The following RCOR1 variants were observed in gnomAD, a reference collection of about 807,000 sequenced individuals.
RCOR1 encodes the protein REST corepressor.
RCOR1 carries 12 observed loss-of-function variants against 64.0 expected under a neutral mutation model. That is an observed-to-expected ratio of 0.19 (90% CI 0.12 to 0.30). RCOR1 has a LOEUF of 0.30. RCOR1 is among the 10% of genes least tolerant of loss of function. The pLI is 1.00. For synonymous variants in RCOR1, 279 were observed against 227.2 expected (o/e 1.23, Z -2.05); for missense variants, 502 against 621.2 (o/e 0.81, Z 2.04).
intron 2 of RCOR1, among the ~76,000 whole-genome samples, chr14:102,627,960 G>GAT (rs1894016119): frequency 6.7e-6 from 1 of 148,972 alleles, no homozygotes; most frequent in Non-Finnish European, 1.5e-5. Context: ...ATTTAAAAGG[G>GAT]GTGTGTGTGT....
chr14:102,695,229 C>T (rs778434862), intron 3 of RCOR1, among the ~76,000 whole-genome samples: 1 of 152,188 alleles, frequency 6.6e-6, no homozygotes, highest in South Asian at 2.1e-4. Flanking sequence ...CTGTTTCTTA[C>T]CCCTGCTTTC....
chr14:102,681,827 T>G (rs1230106266), intron 2 of RCOR1, 68 bp from the exon 3 acceptor site: 2 of 1,107,666 alleles, frequency 1.8e-6, no homozygotes, highest in Non-Finnish European at 2.7e-6. Context: ...CATTAAAAGG[T>G]ATTGTTACTT....
chr14:102,683,660 C>T (rs778672833), intron 3 of RCOR1, among the ~76,000 whole-genome samples: 16 of 152,226 alleles, frequency 1.1e-4, no homozygotes, highest in Admixed American at 2.0e-4. Context: ...TCTGGGGGCG[C>T]GCTGATGTTC....
intron 2 of RCOR1, among the ~76,000 whole-genome samples, chr14:102,627,635 C>T (rs180953717): frequency 0.01 from 1,519 of 150,508 alleles, 16 homozygotes; most frequent in Admixed American, 0.015. Flanking sequence ...CCAGCCTGGG[C>T]GACAGAGTGA....
intron 2 of RCOR1, among the ~76,000 whole-genome samples, chr14:102,626,819 C>T (rs1286512364): frequency 1.3e-5 from 2 of 152,184 alleles, no homozygotes; most frequent in Non-Finnish European, 2.9e-5. Context: ...GGAAGTAGAA[C>T]AGCAGGCAGG....
Position 102,689,933 on chromosome 14 carries a change from C to T in RCOR1, c.445+7955C>T, listed in dbSNP as rs564798954. Among the ~76,000 whole-genome samples, 11 of 152,146 alleles carry T rather than the reference C, an allele frequency of 7.2e-5. No individual in the cohort carries two copies. The South Asian group carries it at 8.3e-4, about 11-fold the overall frequency. ...TAATTTTTTGTATTTTTAGTAGACACGGGGTTTCACCATGTTGGCCAGGCT... is the reference window on the plus strand; with the variant it reads ...TAATTTTTTGTATTTTTAGTAGACATGGGGTTTCACCATGTTGGCCAGGCT... On this transcript the variant is annotated intron_variant, in intron 3 of 11. Transcript: ENST00000262241.
At chr14:102,651,381 C>G (rs148108069) in intron 2 of RCOR1, among the ~76,000 whole-genome samples, 1 of 151,906 alleles carries the variant, frequency 6.6e-6, no homozygotes, top group African/African-American at 2.4e-5. Context: ...AGTGAAACCC[C>G]GTCTCTACTA....
intron 2 of RCOR1, among the ~76,000 whole-genome samples, chr14:102,597,817 A>ATT (rs563390894): frequency 4.6e-4 from 62 of 135,354 alleles, no homozygotes; most frequent in African/African-American, 1.1e-3. Context: ...TATTTTTGCA[A>ATT]TTTTTTTTTT....
intron 11 of RCOR1, among the ~76,000 whole-genome samples, chr14:102,724,848 T>C (rs1896230828): frequency 6.6e-6 from 1 of 152,182 alleles, no homozygotes; most frequent in Non-Finnish European, 1.5e-5. Context: ...ATTTCACCTT[T>C]TTATTTGTCC....
Position 102,620,558 on chromosome 14 carries a change from G to A in RCOR1, c.361+27233G>A, listed in dbSNP as rs139326019. Among the ~76,000 whole-genome samples the A allele has an allele frequency of 5.3e-5, 8 of 152,098 alleles. No individual in the cohort carries two copies. In the East Asian group the frequency reaches 5.8e-4, roughly 11 times the overall value. ...CTTCAGCATCAACAAGAGCGAAACC[G>A]TCTCACAAAAAAAATTAGTCGGGCA... On this transcript the variant is annotated intron_variant, in intron 2 of 11. Coordinates refer to ENST00000262241, the MANE Select transcript of RCOR1 (RefSeq NM_015156.4).
At chr14:102,679,509 C>T (rs574623615) in intron 2 of RCOR1, among the ~76,000 whole-genome samples, 123 of 149,732 alleles carry the variant, frequency 8.2e-4, no homozygotes, top group Non-Finnish European at 1.4e-3. Flanking sequence ...GACAGAATCT[C>T]GCTCTGTCAC....
rs768704751 is a variant in RCOR1, at chr14:102,593,053, C to G, written c.167C>G (p.Ala56Gly). Reference protein sequence around the residue: ...ASGAAASSASAAAASAAAAPN... With the variant: ...ASGAAASSASGAAASAAAAPN... ...GGCGCCGCCGCCTCCTCAGCCTCGG[C>G]CGCCGCCGCCTCAGCCGCCGCCGCC... Residue 56 changes from alanine to glycine, a missense_variant, in exon 1 of 12, where the codon GCC becomes GGC. Around this residue, in one of 2 missense-constraint regions of RCOR1, gnomAD observed 242 missense variants for 204.9 expected, o/e 1.18. Coordinates refer to ENST00000262241, the MANE Select transcript of RCOR1 (RefSeq NM_015156.4). The G allele has an allele frequency of 1.4e-6, 2 of 1,384,738 alleles. No homozygotes were observed. Among genetic ancestry groups the G allele is most frequent in the Non-Finnish European group, 1.9e-6 (2 of 1,060,174 alleles). The allele number at this position is 1,384,738 out of a possible 1,614,324, so 85.8% of individuals were successfully genotyped here.
intron 3 of RCOR1, among the ~76,000 whole-genome samples, chr14:102,693,092 GTTC>G (rs1895570989): frequency 6.6e-6 from 1 of 152,100 alleles, no homozygotes; most frequent in Admixed American, 6.6e-5. Context: ...ACATTTAGAT[GTTC>G]TTCTTTTTTC....
intron 11 of RCOR1, among the ~76,000 whole-genome samples, chr14:102,724,921 G>GT (rs1896232153): frequency 6.6e-6 from 1 of 152,108 alleles, no homozygotes; most frequent in South Asian, 2.1e-4. Flanking sequence ...CTGCCCTCAG[G>GT]TTTTATGTAT....
intron 2 of RCOR1, among the ~76,000 whole-genome samples, chr14:102,663,506 A>C (rs1031708270): frequency 1.3e-5 from 2 of 152,186 alleles, no homozygotes; most frequent in African/African-American, 2.4e-5. Context: ...AGTAGTTAGA[A>C]GTTTTCTCTG....
chr14:102,662,525 T>C, intron 2 of RCOR1: 6 of 506,600 alleles, frequency 1.2e-5, no homozygotes, highest in South Asian at 7.4e-5. Flanking sequence ...GGCGCTCTTC[T>C]GAGGATATTT....
intron 2 of RCOR1, among the ~76,000 whole-genome samples, chr14:102,671,096 A>G (rs1276589011): frequency 6.6e-6 from 1 of 152,130 alleles, no homozygotes; most frequent in Non-Finnish European, 1.5e-5. Context: ...TATTGATAGC[A>G]AGAAAAGCAT....
At chr14:102,612,994 C>T (rs569910856) in intron 2 of RCOR1, among the ~76,000 whole-genome samples, 6 of 151,466 alleles carry the variant, frequency 4.0e-5, no homozygotes, top group South Asian at 4.2e-4. Flanking sequence ...ATCTGACTAC[C>T]GTATTGATGA....
intron 2 of RCOR1, among the ~76,000 whole-genome samples, chr14:102,596,163 G>A (rs572502134): frequency 3.3e-4 from 50 of 150,498 alleles, no homozygotes; most frequent in African/African-American, 1.1e-3. Flanking sequence ...GTGCAATGGC[G>A]TGATCTGGGC....
Sources: allele counts gnomAD v4.1 joint callset (sites outside exome capture counted in the v4.1 genomes callset), GRCh38; gene constraint gnomAD v4.1.1; regional missense constraint gnomAD v4.1.1; transcripts MANE v1.5; gene names NCBI Gene and HGNC (gene_info 2026-07-23, HGNC 2026-07-21).